The following CACNA1H variants were observed in gnomAD, a reference collection of about 807,000 sequenced individuals.
The protein encoded by CACNA1H is voltage-dependent T-type calcium channel subunit alpha-1H.
Under a neutral mutation model 192.5 loss-of-function variants are expected in CACNA1H, and 149 were observed. The observed-to-expected ratio is 0.77, with a 90% confidence interval of 0.68 to 0.89. The LOEUF is 0.89. Ranked by LOEUF, CACNA1H falls within the 40% of genes least tolerant of loss-of-function variation. The pLI, the probability that CACNA1H is intolerant of heterozygous loss-of-function variation, is 0.00. For synonymous variants in CACNA1H, 2,202 were observed against 1,475.2 expected (o/e 1.49, Z -11.29); for missense variants, 4,257 against 3,423.5 (o/e 1.24, Z -6.08).
chr16:1,154,035 C>G lies in CACNA1H; in HGVS notation c.298C>G (p.Pro100Ala). Reference protein sequence around the residue: ...RSWCLRLVCNPWFEHVSMLVI... With the variant: ...RSWCLRLVCNAWFEHVSMLVI... ...CTGGTGCCTCCGGCTGGTCTGCAAC[C>G]CATATCCTTCCCGGCCGGCGGGGGG... is the stretch of plus-strand genomic sequence containing the variant. The change falls in exon 2 of 35, where the codon CCA becomes GCA. Residue 100 changes from proline (P) to alanine (A), a missense_variant and splice_region_variant. Pro to Ala is a conservative substitution (Grantham distance 27). Coordinates refer to ENST00000348261, the MANE Select transcript of CACNA1H (RefSeq NM_021098.3). The G allele has an allele frequency of 7.6e-7, 1 of 1,313,998 alleles. No individual in the cohort carries two copies. The highest frequency in any genetic ancestry group is 3.2e-5 in the East Asian group (1 of 31,256). 81.4% of individuals were successfully genotyped at this position (1,313,998 alleles called of 1,614,324 possible).
intron 2 of CACNA1H, among the ~76,000 whole-genome samples, chr16:1,159,321 G>C (rs949650836): frequency 6.6e-6 from 1 of 152,216 alleles, no homozygotes; most frequent in Admixed American, 6.5e-5. Flanking sequence ...GCCTGTGCGG[G>C]AGGAGGCGTT....
chr16:1,178,690 G>T (rs1013955337), intron 2 of CACNA1H, among the ~76,000 whole-genome samples: 1 of 152,206 alleles, frequency 6.6e-6, no homozygotes, highest in Admixed American at 6.5e-5. Flanking sequence ...CTGTCCCTCG[G>T]GTCCCTCCCT....
chr16:1,173,671 G>A (rs1483723299), intron 2 of CACNA1H, among the ~76,000 whole-genome samples: 2 of 152,220 alleles, frequency 1.3e-5, no homozygotes, highest in Non-Finnish European at 2.9e-5. Flanking sequence ...GAAGCATCCG[G>A]GAACGCCCGT....
rs370266192 is a variant in CACNA1H, at chr16:1,202,379, C to T, written c.1929C>T (p.Thr643=). The change falls in exon 9 of 35, where the codon ACC becomes ACT. Residue 643 remains threonine, a synonymous_variant. Coordinates refer to ENST00000348261, the MANE Select transcript of CACNA1H (RefSeq NM_021098.3). ...KGKWAGGPPG[T]GGHGPLSLNS... is the part of the protein sequence containing the mutation. The stretch of plus-strand genomic sequence containing the variant: ...AGTGGGCCGGTGGACCGCCAGGCAC[C>T]GGGGGGCACGGCCCGTTGAGCTTGA... The T allele has an allele frequency of 6.0e-5, 93 of 1,551,576 alleles. No homozygotes were observed. The highest frequency in any genetic ancestry group is 1.2e-4 in the South Asian group (10 of 83,730).
At chr16:1,205,926 G>A (rs1032596611) in intron 11 of CACNA1H, among the ~76,000 whole-genome samples, 178 bp from the exon 12 acceptor site, 6 of 152,214 alleles carry the variant, frequency 3.9e-5, no homozygotes, top group South Asian at 2.1e-4. Flanking sequence ...GCGGATAAGC[G>A]GCTTTTGAGG....
chr16:1,208,468 C>G (rs534060864), intron 16 of CACNA1H, among the ~76,000 whole-genome samples: 1 of 152,208 alleles, frequency 6.6e-6, no homozygotes, highest in African/African-American at 2.4e-5. Flanking sequence ...GAGTGCACAG[C>G]GCACAGCACA....
chr16:1,163,185 C>T (rs1035258951), intron 2 of CACNA1H, among the ~76,000 whole-genome samples: 3 of 152,230 alleles, frequency 2.0e-5, no homozygotes, highest in Admixed American at 2.0e-4. Context: ...ACAGCCACCT[C>T]CCCCAGCTCG....
Position 1,153,459 on chromosome 16 carries a change from C to T in CACNA1H, c.-30C>T, listed in dbSNP as rs1239269698. On this transcript the variant is annotated 5_prime_UTR_variant, in exon 1 of 35. Coordinates refer to ENST00000348261, the MANE Select transcript of CACNA1H (RefSeq NM_021098.3). ...CGATGCCCGCGGGGACGCCGCCGGC[C>T]AGCAGAGCGAGGTGAGACGCGGCGA... 1 of 182,500 alleles carries T rather than the reference C, an allele frequency of 5.5e-6. No individual in the cohort carries two copies. The highest frequency in any genetic ancestry group is 2.4e-5 in the African/African-American group (1 of 41,562). The allele number at this position is 182,500 out of a possible 1,614,324, so 11.3% of individuals were successfully genotyped here. A position where few individuals can be genotyped will look rare whatever the true frequency, so the allele number is the denominator to read the frequency against.
chr16:1,171,213 C>T (rs1046441871), intron 2 of CACNA1H, among the ~76,000 whole-genome samples: 8 of 152,198 alleles, frequency 5.3e-5, no homozygotes, highest in African/African-American at 1.2e-4. Flanking sequence ...ACCCCCGCGC[C>T]GCCCAGGATC....
rs1235271459 is a variant in CACNA1H at position 1,195,315 on chromosome 16, C to A, written c.412-117C>A. 3.2e-4 allele frequency: 324 copies of A among 1,008,342 alleles called. 1 individual carries two copies. In the Middle Eastern group the frequency reaches 6.1e-3, roughly 19 times the overall value. 62.5% of individuals were successfully genotyped at this position (1,008,342 alleles called of 1,614,324 possible). A position where few individuals can be genotyped will look rare whatever the true frequency, so the allele number is the denominator to read the frequency against. On this transcript the variant is annotated intron_variant, in intron 3 of 34. Transcript: ENST00000348261. The stretch of plus-strand genomic sequence containing the variant: ...TCAGTTCCTGGGGCTCAGGGCGGGG[C>A]AGGGGCGGGGCGAGGGGTGTGGCAA...
intron 2 of CACNA1H, among the ~76,000 whole-genome samples, chr16:1,161,417 C>T (rs956136498): frequency 1.3e-5 from 2 of 152,228 alleles, no homozygotes; most frequent in Admixed American, 1.3e-4. Context: ...AGGTGGTTGT[C>T]TCTGGGCCCC....
chr16:1,160,714 G>A (rs1963081360), intron 2 of CACNA1H, among the ~76,000 whole-genome samples: 2 of 152,198 alleles, frequency 1.3e-5, no homozygotes, highest in Non-Finnish European at 2.9e-5. Context: ...GGTTTGATGA[G>A]CCGGACGGTT....
At position 1,209,329 on chromosome 16, in the gene CACNA1H, G is replaced by A. The variant is rs1007462394; in HGVS notation, c.3661G>A (p.Val1221Met). The part of the protein sequence containing the change: ...PTKCRDRDGQ[V>M]VALPSDFFLR... ...CAAGTGCCGCGATCGCGACGGGCAG[G>A]TGGTGGCCCTGCCCAGCGACTTCTT... Residue 1221 changes from valine (V) to methionine (M), a missense_variant, in exon 17 of 35, where the codon GTG becomes ATG. Transcript: ENST00000348261. The A allele has an allele frequency of 6.3e-7, 1 of 1,598,022 alleles. No individual in the cohort carries two copies. Among genetic ancestry groups the A allele is most frequent in the Non-Finnish European group, 8.5e-7 (1 of 1,179,392 alleles).
chr16:1,211,817 C>A lies in CACNA1H; in HGVS notation c.4566+12C>A. On this transcript the variant is annotated intron_variant, in intron 24 of 34. Transcript: ENST00000348261. ...GTGTCGACCAGCAGGTGCGCACAGG[C>A]GGGTCGAGCTGGGTCACCTCAGGGT... 1 of 1,611,822 alleles carries A rather than the reference C, an allele frequency of 6.2e-7. No individual in the cohort carries two copies. The highest frequency in any genetic ancestry group is 1.1e-5 in the South Asian group (1 of 91,064).
chr16:1,208,658 G>A (rs2141322301), intron 16 of CACNA1H, among the ~76,000 whole-genome samples: 1 of 152,316 alleles, frequency 6.6e-6, no homozygotes, highest in South Asian at 2.1e-4. Context: ...ACCCACAACA[G>A]ACACGGAGGA....
chr16:1,158,294 A>AC (rs879525826), intron 2 of CACNA1H, among the ~76,000 whole-genome samples: 4 of 152,080 alleles, frequency 2.6e-5, no homozygotes, highest in Admixed American at 6.5e-5. Context: ...CTTCCCACTC[A>AC]CCAAGAGCTG....
Position 1,180,878 on chromosome 16 carries a change from A to T in CACNA1H, c.300-14094A>T, listed in dbSNP as rs1965398341. On this transcript the variant is annotated intron_variant, in intron 2 of 34. Coordinates refer to ENST00000348261, the MANE Select transcript of CACNA1H (RefSeq NM_021098.3). The surrounding 1 kb of genome is among the most constrained non-coding windows in gnomAD (Gnocchi z 4.4). ...ACCCGACCTGGCCGCCAGCGTGCTG[A>T]GGACAGACCTGCTGGGCCGCGTTGG... Among the ~76,000 whole-genome samples the T allele has an allele frequency of 6.6e-6, 1 of 152,152 alleles. No homozygotes were observed. The highest frequency in any genetic ancestry group is 1.5e-5 in the Non-Finnish European group (1 of 67,996).
chr16:1,153,815 G>T lies in CACNA1H; in HGVS notation c.78G>T (p.Val26=), dbSNP rs1487425689. 2 of 1,270,866 alleles carry T rather than the reference G, an allele frequency of 1.6e-6. No homozygotes were observed. Among genetic ancestry groups the T allele is most frequent in the Non-Finnish European group, 2.0e-6 (2 of 1,009,220 alleles). 78.7% of individuals were successfully genotyped at this position (1,270,866 alleles called of 1,614,324 possible). A position where few individuals can be genotyped will look rare whatever the true frequency, so the allele number is the denominator to read the frequency against. The part of the protein sequence containing the change: ...GAPPPGPAAL[V]GASPESPGAP... ...CGCCCCCTGGCCCTGCGGCGTTGGT[G>T]GGGGCGTCCCCGGAGAGCCCCGGGG... is the stretch of plus-strand genomic sequence containing the variant. Residue 26 remains valine (V), a synonymous_variant, in exon 2 of 35, where the codon GTG becomes GTT. Coordinates refer to ENST00000348261, the MANE Select transcript of CACNA1H (RefSeq NM_021098.3).
intron 33 of CACNA1H, 36 bp downstream of exon 33, chr16:1,218,687 G>C: frequency 7.5e-7 from 1 of 1,336,976 alleles, no homozygotes; most frequent in East Asian, 3.0e-5. Context: ...GGCTGGGTGG[G>C]AAGCAGGACA....
Sources: gnomAD v4.1 joint callset for allele counts (sites outside exome capture counted in the v4.1 genomes callset) on GRCh38, gnomAD v4.1.1 for gene constraint, Gnocchi (gnomAD v3.1) non-coding constraint, MANE v1.5 for transcripts, NCBI Gene and HGNC (gene_info 2026-07-23, HGNC 2026-07-21) for gene names.